The following ANKRD30BL variants were observed in gnomAD, a reference collection of about 807,000 sequenced individuals.
The protein encoded by ANKRD30BL is ankyrin repeat domain 30B like.
ANKRD30BL carries 20 observed loss-of-function variants against 18.4 expected under a neutral mutation model. The observed-to-expected ratio is 1.09, with a 90% CI of 0.77 to 1.58. The LOEUF is 1.58. Ranked by LOEUF, ANKRD30BL falls within the 40% of genes most tolerant of loss-of-function variation. ANKRD30BL has a pLI of 0.00. For missense variants in ANKRD30BL, 224 were observed against 268.6 expected (o/e 0.83, Z 1.16); for synonymous variants, 72 against 100.9 (o/e 0.71, Z 1.72).
chr2:132,222,886 C>A (rs1573860914), intron 1 of ANKRD30BL, among the ~76,000 whole-genome samples: 2 of 133,838 alleles, frequency 1.5e-5, no homozygotes. Context: ...TTTGTAGAAT[C>A]CGTAAGTGAA....
At chr2:132,169,564 T>C (rs1688241433) in intron 1 of ANKRD30BL, among the ~76,000 whole-genome samples, 1 of 149,994 alleles carries the variant, frequency 6.7e-6, no homozygotes, top group Admixed American at 6.7e-5. Flanking sequence ...GGAGAATCAC[T>C]TGAACCCAGG....
chr2:132,208,073 C>G (rs1051272883), intron 1 of ANKRD30BL, among the ~76,000 whole-genome samples: 1 of 152,098 alleles, frequency 6.6e-6, no homozygotes. Context: ...AGCCTTGCCG[C>G]TGGCTCCATA....
chr2:132,232,554 C>A (rs946006959), intron 1 of ANKRD30BL, among the ~76,000 whole-genome samples: 3 of 152,056 alleles, frequency 2.0e-5, no homozygotes, highest in Non-Finnish European at 1.5e-5. Context: ...GCCTCAGGAG[C>A]TGATGCAATC....
intron 4 of ANKRD30BL, among the ~76,000 whole-genome samples, chr2:132,154,057 A>C (rs1475130760): frequency 6.6e-6 from 1 of 152,156 alleles, no homozygotes; most frequent in Non-Finnish European, 1.5e-5. Flanking sequence ...AGCAATCTGA[A>C]GACTTAAAAC....
At chr2:132,248,957 T>G (rs77229071) in intron 1 of ANKRD30BL, among the ~76,000 whole-genome samples, 2 of 152,050 alleles carry the variant, frequency 1.3e-5, no homozygotes, top group African/African-American at 4.8e-5. Context: ...TGTGATGATA[T>G]TTCCTTTTTC....
intron 1 of ANKRD30BL, among the ~76,000 whole-genome samples, chr2:132,174,355 C>A (rs1558919734): frequency 6.6e-6 from 1 of 152,120 alleles, no homozygotes; most frequent in Non-Finnish European, 1.5e-5. Context: ...GTCAGAGAGG[C>A]AACTGCAAGT....
chr2:132,237,413 C>G (rs575338924), intron 1 of ANKRD30BL, among the ~76,000 whole-genome samples: 4 of 152,030 alleles, frequency 2.6e-5, no homozygotes, highest in Non-Finnish European at 5.9e-5. Flanking sequence ...GATATTAGGG[C>G]AGCATTGAGG....
At chr2:132,254,819 G>A (rs79637232) in intron 1 of ANKRD30BL, among the ~76,000 whole-genome samples, 1 of 152,200 alleles carries the variant, frequency 6.6e-6, no homozygotes, top group Non-Finnish European at 1.5e-5. Context: ...GCATGCCAGA[G>A]TCTCGTTCGT....
intron 1 of ANKRD30BL, among the ~76,000 whole-genome samples, chr2:132,214,897 A>G (rs568521274): frequency 0.039 from 5,856 of 152,050 alleles, 73 homozygotes; most frequent in Non-Finnish European, 0.059. Flanking sequence ...GTGTGCATTC[A>G]TCTCACAGAG....
At chr2:132,221,710 C>A (rs1224289335) in intron 1 of ANKRD30BL, among the ~76,000 whole-genome samples, 1 of 116,162 alleles carries the variant, frequency 8.6e-6, no homozygotes, top group East Asian at 2.6e-4. Context: ...CAGCCCCCTG[C>A]CTGGCCAGCC....
At chr2:132,176,225 C>T (rs1458328599) in intron 1 of ANKRD30BL, among the ~76,000 whole-genome samples, 1 of 151,780 alleles carries the variant, frequency 6.6e-6, no homozygotes, top group Non-Finnish European at 1.5e-5. Context: ...GAAACCTCAC[C>T]TCTATTAAAA....
chr2:132,249,799 G>T (rs560296198), intron 1 of ANKRD30BL, among the ~76,000 whole-genome samples: 1 of 152,146 alleles, frequency 6.6e-6, no homozygotes, highest in Non-Finnish European at 1.5e-5. Flanking sequence ...CTTCTGTCAA[G>T]TTTTTATGTG....
intron 1 of ANKRD30BL, among the ~76,000 whole-genome samples, chr2:132,232,215 C>CA: frequency 6.6e-6 from 1 of 152,148 alleles, no homozygotes; most frequent in African/African-American, 2.4e-5. Flanking sequence ...CAACAGTAGA[C>CA]AAAATCACAA....
chr2:132,158,775 TTG>T (rs1687978627), intron 1 of ANKRD30BL, among the ~76,000 whole-genome samples: 1 of 150,562 alleles, frequency 6.6e-6, no homozygotes, highest in Non-Finnish European at 1.5e-5. Context: ...TCTATAATTA[TTG>T]ACATATATGT....
intron 1 of ANKRD30BL, among the ~76,000 whole-genome samples, chr2:132,172,619 T>C (rs1421588589): frequency 1.3e-5 from 2 of 152,176 alleles, no homozygotes; most frequent in East Asian, 3.8e-4. Context: ...CTATTATACA[T>C]ATTATATCCA....
intron 3 of ANKRD30BL, chr2:132,155,049 T>C (rs1687864344): frequency 7.8e-6 from 2 of 255,716 alleles, no homozygotes; most frequent in Non-Finnish European, 1.5e-5. Context: ...GCAGGGGCTG[T>C]ATCTTTTACC....
chr2:132,231,774 C>T (rs993709879), intron 1 of ANKRD30BL, among the ~76,000 whole-genome samples: 1 of 152,204 alleles, frequency 6.6e-6, no homozygotes, highest in African/African-American at 2.4e-5. Flanking sequence ...GGGCACCCGC[C>T]ATTACCCAGG....
At chr2:132,212,912 T>A (rs576447835) in intron 1 of ANKRD30BL, among the ~76,000 whole-genome samples, 3 of 152,118 alleles carry the variant, frequency 2.0e-5, no homozygotes, top group African/African-American at 4.8e-5. Flanking sequence ...TTTGAAACAA[T>A]CGTTTTGTAG....
intron 1 of ANKRD30BL, among the ~76,000 whole-genome samples, chr2:132,222,356 TG>T (rs1036960561): frequency 1.3e-5 from 2 of 152,078 alleles, no homozygotes; most frequent in Non-Finnish European, 2.9e-5. Context: ...TCACTGGGGA[TG>T]GGCCATGATG....
Sources: gnomAD v4.1 joint callset for allele counts (sites outside exome capture counted in the v4.1 genomes callset) on GRCh38, gnomAD v4.1.1 for gene constraint, MANE v1.5 for transcripts, NCBI Gene and HGNC (gene_info 2026-07-23, HGNC 2026-07-21) for gene names.